NCOA1: variants seen among roughly 807,000 people sequenced by gnomAD.
NCOA1 encodes nuclear receptor coactivator 1.
In NCOA1, 35 loss-of-function variants were observed where a neutral mutation model predicts 150.9. That is an observed-to-expected ratio of 0.23 (90% CI 0.18 to 0.31). The LOEUF is 0.31. NCOA1 is among the 10% of genes least tolerant of loss of function. The pLI, the probability that NCOA1 is intolerant of heterozygous loss-of-function variation, is 1.00. For synonymous variants in NCOA1, 590 were observed against 630.0 expected (o/e 0.94, Z 0.95); for missense variants, 1,491 against 1,749.3 (o/e 0.85, Z 2.63).
At chr2:24,768,096 GTTC>G (rs1558352767) in intron 22 of NCOA1, 122 bp from the exon 23 acceptor site, 1 of 1,613,920 alleles carries the variant, frequency 6.2e-7, no homozygotes, top group Non-Finnish European at 8.5e-7. Flanking sequence ...AGACAGAAGA[GTTC>G]TTCTCTGTGG....
At chr2:24,520,434 T>C (rs1416729469) in intron 1 of NCOA1, among the ~76,000 whole-genome samples, 1 of 152,202 alleles carries the variant, frequency 6.6e-6, no homozygotes, top group Admixed American at 6.5e-5. Flanking sequence ...AATAACCATA[T>C]GCCCAACAAC....
chr2:24,695,788 A>G (rs1265278376), intron 10 of NCOA1, among the ~76,000 whole-genome samples: 1 of 152,156 alleles, frequency 6.6e-6, no homozygotes, highest in Admixed American at 6.5e-5. Flanking sequence ...CTTCACTAAG[A>G]TAGTCATTAT....
intron 1 of NCOA1, among the ~76,000 whole-genome samples, chr2:24,523,629 A>AAAAAAAAAAAAAAAAAAAAAAAAG (rs1572380482): frequency 7.9e-6 from 1 of 125,914 alleles, no homozygotes; most frequent in Non-Finnish European, 1.7e-5. Context: ...AAAAAAAAAA[A>AAAAAAAAAAAAAAAAAAAAAAAAG]AGAAACTGGG....
chr2:24,554,834 G>C (rs1298721232), intron 1 of NCOA1, among the ~76,000 whole-genome samples: 1 of 152,084 alleles, frequency 6.6e-6, no homozygotes, highest in Non-Finnish European at 1.5e-5. Flanking sequence ...ATTTGATTTG[G>C]CTCTAAAATG....
chr2:24,548,838 G>T (rs1232498977), intron 1 of NCOA1, among the ~76,000 whole-genome samples: 1 of 152,238 alleles, frequency 6.6e-6, no homozygotes, highest in Non-Finnish European at 1.5e-5. Context: ...CTCTGCCCCT[G>T]TGGCTTTGCA....
Position 24,768,357 on chromosome 2 carries a change from A to G in NCOA1, c.4292A>G (p.Gln1431Arg). ...GGACCACAGACCCCCCAGGCCCAGC[A>G]GAAGAGCCTCCTTCAGCAGCTACTG... ...TSGPQTPQAQ[Q>R]KSLLQQLLTE The change falls in exon 23 of 23, where the codon CAG becomes CGG. Residue 1431 changes from glutamine to arginine, a missense_variant. This residue lies in a region of NCOA1 where 46 missense variants were observed against 78.8 expected (regional missense o/e 0.58). Transcript: ENST00000348332. The G allele has an allele frequency of 6.2e-7, 1 of 1,613,146 alleles. No individual in the cohort carries two copies. The highest frequency in any genetic ancestry group is 1.7e-5 in the Admixed American group (1 of 59,952).
chr2:24,587,351 A>G (rs55921704), intron 3 of NCOA1, among the ~76,000 whole-genome samples: 230 of 152,268 alleles, frequency 1.5e-3, no homozygotes, highest in African/African-American at 5.3e-3. Context: ...TTCTTCTCCA[A>G]CGCACCTGAC....
chr2:24,553,470 G>C (rs769492843), intron 1 of NCOA1, among the ~76,000 whole-genome samples: 2 of 152,038 alleles, frequency 1.3e-5, no homozygotes, highest in Non-Finnish European at 1.5e-5. Flanking sequence ...CTGCCCACTC[G>C]GCCTCCCAAA....
intron 21 of NCOA1, among the ~76,000 whole-genome samples, chr2:24,759,045 A>G (rs1462700588): frequency 2.0e-5 from 3 of 152,020 alleles, no homozygotes; most frequent in African/African-American, 7.2e-5. Context: ...GGAATATTCC[A>G]TTATATTTTG....
chr2:24,762,060 T>C (rs933148675), intron 21 of NCOA1, among the ~76,000 whole-genome samples: 1 of 152,250 alleles, frequency 6.6e-6, no homozygotes, highest in East Asian at 1.9e-4. Flanking sequence ...CTCTGAGGAT[T>C]CTAGCTGCAT....
intron 3 of NCOA1, among the ~76,000 whole-genome samples, chr2:24,609,750 T>C (rs1473017721): frequency 6.6e-6 from 1 of 152,122 alleles, no homozygotes; most frequent in Non-Finnish European, 1.5e-5. Context: ...GTGAGGAAAT[T>C]CTTTCTGGTA....
At chr2:24,523,666 G>A (rs1305949814) in intron 1 of NCOA1, among the ~76,000 whole-genome samples, 1 of 135,718 alleles carries the variant, frequency 7.4e-6, no homozygotes, top group Non-Finnish European at 1.5e-5. Context: ...GGTGGCTCAC[G>A]CTTGTAATCC....
intron 3 of NCOA1, among the ~76,000 whole-genome samples, chr2:24,638,712 T>C (rs761087616): frequency 4.6e-5 from 7 of 152,310 alleles, no homozygotes; most frequent in South Asian, 4.1e-4. Flanking sequence ...GATTACCTCA[T>C]TGTGGTTTTG....
chr2:24,500,027 A>G (rs1246824552), intron 1 of NCOA1, among the ~76,000 whole-genome samples: 3 of 152,230 alleles, frequency 2.0e-5, no homozygotes, highest in Non-Finnish European at 4.4e-5. Context: ...CCCTTCAAGT[A>G]TCCCTGCTGG....
intron 3 of NCOA1, among the ~76,000 whole-genome samples, 191 bp downstream of exon 3, chr2:24,584,751 T>G (rs757890792): frequency 1.3e-5 from 2 of 149,896 alleles, no homozygotes; most frequent in African/African-American, 4.9e-5. Context: ...TGTGTAGATC[T>G]TTTCACAAAC....
intron 13 of NCOA1, among the ~76,000 whole-genome samples, chr2:24,709,986 A>G (rs1673651607): frequency 6.6e-6 from 1 of 152,190 alleles, no homozygotes; most frequent in African/African-American, 2.4e-5. Flanking sequence ...AAAAGTAATC[A>G]TAGTATAGCA....
chr2:24,522,296 G>T (rs1664450301), intron 1 of NCOA1, among the ~76,000 whole-genome samples: 1 of 152,016 alleles, frequency 6.6e-6, no homozygotes, highest in Non-Finnish European at 1.5e-5. Context: ...TCTAGTTGTG[G>T]TCTAATTTAT....
At chr2:24,572,001 A>G (rs115568316) in intron 2 of NCOA1, among the ~76,000 whole-genome samples, 2 of 152,190 alleles carry the variant, frequency 1.3e-5, no homozygotes, top group Non-Finnish European at 2.9e-5. Context: ...CTTAACTCCT[A>G]CACGTTAGGT....
chr2:24,582,173 G>A (rs1667218701), intron 2 of NCOA1, among the ~76,000 whole-genome samples: 1 of 152,156 alleles, frequency 6.6e-6, no homozygotes, highest in Non-Finnish European at 1.5e-5. Flanking sequence ...AATTGTCTCT[G>A]TTTGCAGATG....
Sources: gnomAD v4.1 joint callset for allele counts (sites outside exome capture counted in the v4.1 genomes callset) on GRCh38, gnomAD v4.1.1 for gene constraint, gnomAD v4.1.1 regional missense constraint, MANE v1.5 for transcripts, NCBI Gene and HGNC (gene_info 2026-07-23, HGNC 2026-07-21) for gene names.